TRAF2: variants seen among roughly 807,000 people sequenced by gnomAD.
The protein encoded by TRAF2 is TNF receptor-associated factor 2.
In TRAF2, 6 loss-of-function variants were observed where a neutral mutation model predicts 55.6. The observed-to-expected ratio is 0.11, with a 90% CI of 0.06 to 0.21. The LOEUF is 0.21. Ranked by LOEUF, TRAF2 falls within the 10% of genes least tolerant of loss-of-function variation. The pLI, the probability that TRAF2 is intolerant of heterozygous loss-of-function variation, is 1.00. For missense variants in TRAF2, 561 were observed against 684.5 expected (o/e 0.82, Z 2.01); for synonymous variants, 329 against 276.3 (o/e 1.19, Z -1.89).
rs1280294021 is a variant in TRAF2 at position 136,926,508 on chromosome 9, C to G, written c.*607C>G. The G allele has an allele frequency of 4.7e-6, 1 of 210,944 alleles. No homozygotes were observed. Among genetic ancestry groups the G allele is most frequent in the Non-Finnish European group, 9.8e-6 (1 of 102,316 alleles). 13.1% of individuals were successfully genotyped at this position (210,944 alleles called of 1,614,324 possible). ...GGTCTGGTCCCACGCCGCCTCTGCT[C>G]AGACCACTGTGTGGGAGGTGCACAG... is the stretch of plus-strand genomic sequence containing the variant. On this transcript the variant is annotated 3_prime_UTR_variant, in exon 11 of 11. Transcript: ENST00000247668.
rs185277558 is a variant in TRAF2, at chr9:136,924,822, C to A, written c.1287+822C>A. 5.1e-4 allele frequency among the ~76,000 whole-genome samples: 77 copies of A among 152,062 alleles called. No individual in the cohort carries two copies. The Middle Eastern group carries it at 0.021, about 41-fold the overall frequency. On this transcript the variant is annotated intron_variant, in intron 10 of 10. Transcript: ENST00000247668. ...TGGCATGATCTCGGCTCACTGCAAC[C>A]TCCCCTCCTGGGTTCAAGCGATTCT... is the stretch of plus-strand genomic sequence containing the variant.
At chr9:136,907,699 T>G (rs1313457441) in intron 4 of TRAF2, among the ~76,000 whole-genome samples, 1 of 152,062 alleles carries the variant, frequency 6.6e-6, no homozygotes, top group East Asian at 1.9e-4. Flanking sequence ...GAGCGTGGCC[T>G]GCTTTCTCGG....
At chr9:136,900,820 G>C (rs1168895172) in intron 4 of TRAF2, 4 of 359,606 alleles carry the variant, frequency 1.1e-5, no homozygotes, top group Admixed American at 4.2e-5. Flanking sequence ...CCACCATCGT[G>C]GGGTGGCTGT....
At chr9:136,922,986 G>A (rs1850432247) in intron 9 of TRAF2, among the ~76,000 whole-genome samples, 1 of 152,086 alleles carries the variant, frequency 6.6e-6, no homozygotes, top group Admixed American at 6.5e-5. Context: ...GGACGGAAGG[G>A]TGGTCCTGGT....
chr9:136,896,817 C>T (rs937295998), intron 1 of TRAF2, among the ~76,000 whole-genome samples: 1 of 152,156 alleles, frequency 6.6e-6, no homozygotes, highest in African/African-American at 2.4e-5. Context: ...ACCGTGTTAG[C>T]CAGGATGGTC....
intron 10 of TRAF2, among the ~76,000 whole-genome samples, chr9:136,924,440 T>C (rs1471840591): frequency 6.6e-6 from 1 of 151,882 alleles, no homozygotes; most frequent in Non-Finnish European, 1.5e-5. Flanking sequence ...TGTGCACCTG[T>C]ATTCCCAGCT....
At chr9:136,916,721 C>T (rs1462285933) in intron 7 of TRAF2, 106 bp downstream of exon 7, 1 of 1,129,606 alleles carries the variant, frequency 8.9e-7, no homozygotes, top group East Asian at 2.4e-5. Context: ...TCCTCAGCCA[C>T]CTCTGCAGCA....
intron 6 of TRAF2, among the ~76,000 whole-genome samples, chr9:136,910,834 C>T (rs948786528): frequency 6.6e-5 from 10 of 152,252 alleles, no homozygotes; most frequent in African/African-American, 2.4e-4. Flanking sequence ...AGGGCTGTCT[C>T]CTCACCTCTT....
chr9:136,915,391 C>T (rs1302235354), intron 6 of TRAF2, among the ~76,000 whole-genome samples: 1 of 151,954 alleles, frequency 6.6e-6, no homozygotes, highest in Non-Finnish European at 1.5e-5. Flanking sequence ...TTGGACGTGC[C>T]ACTGTGATGT....
chr9:136,915,584 T>G (rs1850221977), intron 6 of TRAF2, among the ~76,000 whole-genome samples: 1 of 151,838 alleles, frequency 6.6e-6, no homozygotes, highest in African/African-American at 2.4e-5. Context: ...AGGGTGTGCT[T>G]AGGCTCTGTG....
At chr9:136,893,001 C>G (rs2811761) in intron 1 of TRAF2, among the ~76,000 whole-genome samples, 1 of 152,136 alleles carries the variant, frequency 6.6e-6, no homozygotes, top group Non-Finnish European at 1.5e-5. Context: ...GTTCTGTGAA[C>G]CTTTTAGTGA....
intron 8 of TRAF2, 135 bp from the exon 9 acceptor site, chr9:136,920,903 G>GGGAGT: frequency 9.1e-7 from 1 of 1,095,032 alleles, no homozygotes; most frequent in South Asian, 1.5e-5. Context: ...CTTGTGTGCA[G>GGGAGT]GGAGTGGACA....
chr9:136,885,676 G>A (rs556860604), upstream of TRAF2, among the ~76,000 whole-genome samples: 53 of 152,266 alleles, frequency 3.5e-4, 1 homozygote, highest in East Asian at 9.5e-3. Flanking sequence ...GCTGAGGCAG[G>A]AGAATCGCTT....
rs188136213 is a variant in TRAF2 at position 136,906,118 on chromosome 9, C to T, written c.367-1952C>T. 4.6e-5 allele frequency among the ~76,000 whole-genome samples: 7 copies of T among 152,052 alleles called. No individual in the cohort carries two copies. The East Asian group carries it at 9.7e-4, about 21-fold the overall frequency. On this transcript the variant is annotated intron_variant, in intron 4 of 10. Coordinates refer to ENST00000247668, the MANE Select transcript of TRAF2 (RefSeq NM_021138.4). ...CCATCTCAAAACAAAAACAAAAAAC[C>T]AAGATGGCTCTGCCAAAAATACAAA...
chr9:136,899,744 G>A (rs1277298886), intron 3 of TRAF2, 72 bp downstream of exon 3: 1 of 1,460,098 alleles, frequency 6.8e-7, no homozygotes, highest in Non-Finnish European at 9.4e-7. Context: ...CATGGGTGGG[G>A]CTGGGCACAG....
In TRAF2 at chr9:136,890,898, C is replaced by T. The variant is rs1163930881; in HGVS notation, c.-29+4357C>T. Among the ~76,000 whole-genome samples, 4 of 152,286 alleles carry T rather than the reference C, an allele frequency of 2.6e-5. No homozygotes were observed. The East Asian group carries it at 5.8e-4, about 22-fold the overall frequency. ...CACGTGAGGCCGTGTCTGTGAGAAG[C>T]GTCTGCCGGTGGTGGAGGACGTGCA... On this transcript the variant is annotated intron_variant, in intron 1 of 10. Coordinates refer to ENST00000247668, the MANE Select transcript of TRAF2 (RefSeq NM_021138.4).
intron 7 of TRAF2, among the ~76,000 whole-genome samples, chr9:136,917,413 T>G (rs1280389956): frequency 6.6e-6 from 1 of 152,324 alleles, no homozygotes; most frequent in East Asian, 1.9e-4. Flanking sequence ...ACCCCCCTGC[T>G]CCACCCCTGC....
In TRAF2 at chr9:136,898,847, C is replaced by A. The variant is rs760811512; in HGVS notation, c.107C>A (p.Ala36Asp). 5.6e-6 allele frequency: 9 copies of A among 1,613,606 alleles called. No homozygotes were observed. In the East Asian group the frequency reaches 2.0e-4, roughly 36 times the overall value. The change falls in exon 2 of 11, where the codon GCC becomes GAC. Residue 36 changes from alanine to aspartate, a missense_variant. Ala to Asp is a moderately radical substitution (Grantham distance 126). This residue lies in a region of TRAF2 where 426 missense variants were observed against 476.8 expected (regional missense o/e 0.89). Transcript: ENST00000247668. Reference sequence around the variant, plus strand: ...CTGGAAGCCAAGTACCTGTGCTCCGCCTGCAGAAACGTCCTCCGCAGGCCC... The same window carrying A: ...CTGGAAGCCAAGTACCTGTGCTCCGACTGCAGAAACGTCCTCCGCAGGCCC... ...TKLEAKYLCS[A>D]CRNVLRRPFQ...
At chr9:136,905,371 G>A (rs971791404) in intron 4 of TRAF2, among the ~76,000 whole-genome samples, 3 of 152,208 alleles carry the variant, frequency 2.0e-5, no homozygotes, top group Non-Finnish European at 2.9e-5. Context: ...TAAAGACTGC[G>A]TGAATTCACT....
Sources: gnomAD v4.1 joint callset for allele counts (sites outside exome capture counted in the v4.1 genomes callset) on GRCh38, gnomAD v4.1.1 for gene constraint, gnomAD v4.1.1 regional missense constraint, MANE v1.5 for transcripts, NCBI Gene and HGNC (gene_info 2026-07-23, HGNC 2026-07-21) for gene names.